CAMK1D: variants seen among roughly 807,000 people sequenced by gnomAD.
CAMK1D encodes the protein calcium/calmodulin-dependent protein kinase type 1D.
CAMK1D carries 9 observed loss-of-function variants against 47.7 expected under a neutral mutation model. The observed-to-expected ratio is 0.19, with a 90% CI of 0.11 to 0.33. The LOEUF (loss-of-function observed/expected upper bound fraction) is 0.33. Ranked by LOEUF, CAMK1D falls within the 10% of genes least tolerant of loss-of-function variation. CAMK1D has a pLI of 1.00. For missense variants in CAMK1D, 291 were observed against 488.7 expected (o/e 0.60, Z 3.81); for synonymous variants, 184 against 184.9 (o/e 0.99, Z 0.04).
intron 3 of CAMK1D, among the ~76,000 whole-genome samples, chr10:12,678,784 A>AT (rs1008030476): frequency 1.2e-4 from 18 of 150,024 alleles, no homozygotes; most frequent in Admixed American, 3.3e-4. Context: ...TAATCCAATA[A>AT]TTTTTTTTTT....
At chr10:12,470,266 T>G (rs1833705968) in intron 1 of CAMK1D, among the ~76,000 whole-genome samples, 1 of 152,196 alleles carries the variant, frequency 6.6e-6, no homozygotes, top group African/African-American at 2.4e-5. Flanking sequence ...GCCATTCCTT[T>G]GTATGATATA....
At chr10:12,483,118 G>C (rs1220197129) in intron 1 of CAMK1D, among the ~76,000 whole-genome samples, 1 of 152,050 alleles carries the variant, frequency 6.6e-6, no homozygotes, top group African/African-American at 2.4e-5. Context: ...GGTGGACCTG[G>C]GTGTAGCCCC....
intron 1 of CAMK1D, among the ~76,000 whole-genome samples, chr10:12,397,895 G>C (rs1839020526): frequency 6.6e-6 from 1 of 152,160 alleles, no homozygotes; most frequent in Admixed American, 6.5e-5. Flanking sequence ...GGCCTAGGCT[G>C]GAACTGAGGG....
chr10:12,503,970 G>C (rs543084174), intron 1 of CAMK1D, among the ~76,000 whole-genome samples: 2 of 152,266 alleles, frequency 1.3e-5, no homozygotes, highest in South Asian at 4.1e-4. Flanking sequence ...GTGGAAAACA[G>C]TTCCACAGGG....
chr10:12,694,445 A>G (rs1833155109), intron 3 of CAMK1D, among the ~76,000 whole-genome samples: 1 of 84,586 alleles, frequency 1.2e-5, no homozygotes, highest in Non-Finnish European at 2.2e-5. Context: ...TATATAAAAT[A>G]TGAAATATAT....
intron 2 of CAMK1D, among the ~76,000 whole-genome samples, chr10:12,595,342 G>GAGAAAAA (rs1554794319): frequency 1.3e-4 from 3 of 23,554 alleles, no homozygotes; most frequent in African/African-American, 5.4e-4. Context: ...AACTCCATCT[G>GAGAAAAA]AAAAAAAAAA....
intron 3 of CAMK1D, among the ~76,000 whole-genome samples, chr10:12,754,869 G>C (rs554805024): frequency 6.6e-6 from 1 of 152,112 alleles, no homozygotes; most frequent in Non-Finnish European, 1.5e-5. Flanking sequence ...CCTCTTTAAA[G>C]GCCCTATCTC....
chr10:12,734,576 A>G (rs998901161), intron 3 of CAMK1D, among the ~76,000 whole-genome samples: 1 of 148,950 alleles, frequency 6.7e-6, no homozygotes, highest in Non-Finnish European at 1.5e-5. Flanking sequence ...ATGTGTATAT[A>G]TATATATAGA....
At chr10:12,764,209 C>T (rs898227990) in intron 4 of CAMK1D, among the ~76,000 whole-genome samples, 1 of 151,920 alleles carries the variant, frequency 6.6e-6, no homozygotes, top group African/African-American at 2.4e-5. Flanking sequence ...GGTGAAACCC[C>T]ATCTCTACTA....
intron 3 of CAMK1D, among the ~76,000 whole-genome samples, chr10:12,740,010 C>A (rs75153700): frequency 0.055 from 8,317 of 152,212 alleles, 502 homozygotes; most frequent in African/African-American, 0.14. Context: ...ATATTTCCTA[C>A]CTTGTAAAAA....
At chr10:12,474,553 A>G (rs1011185588) in intron 1 of CAMK1D, among the ~76,000 whole-genome samples, 1 of 151,372 alleles carries the variant, frequency 6.6e-6, no homozygotes, top group African/African-American at 2.4e-5. Flanking sequence ...CATAAACTTT[A>G]CCATTTTTAA....
At chr10:12,474,530 A>G (rs1267360181) in intron 1 of CAMK1D, among the ~76,000 whole-genome samples, 1 of 151,984 alleles carries the variant, frequency 6.6e-6, no homozygotes, top group East Asian at 1.9e-4. Flanking sequence ...TATTGTGTTA[A>G]AACATTGCAT....
At chr10:12,682,544 A>G (rs1383718136) in intron 3 of CAMK1D, among the ~76,000 whole-genome samples, 1 of 152,226 alleles carries the variant, frequency 6.6e-6, no homozygotes, top group African/African-American at 2.4e-5. Context: ...TCATTTAGCA[A>G]GATTTGCTGT....
At chr10:12,583,629 GTCTC>G (rs577516820) in intron 2 of CAMK1D, among the ~76,000 whole-genome samples, 1,716 of 148,556 alleles carry the variant, frequency 0.012, 28 homozygotes, top group Admixed American at 0.047. Flanking sequence ...TTGAGATGGA[GTCTC>G]TCTCTGTCAC....
At chr10:12,660,223 C>T (rs1465679485) in intron 2 of CAMK1D, among the ~76,000 whole-genome samples, 1 of 152,196 alleles carries the variant, frequency 6.6e-6, no homozygotes, top group Non-Finnish European at 1.5e-5. Flanking sequence ...GTGAGAAATG[C>T]TGAACTTTTT....
At chr10:12,516,317 C>T (rs1405146529) in intron 1 of CAMK1D, among the ~76,000 whole-genome samples, 1 of 152,128 alleles carries the variant, frequency 6.6e-6, no homozygotes, top group Non-Finnish European at 1.5e-5. Context: ...CCATCCTGGC[C>T]AGGCTGGTCT....
chr10:12,740,641 G>A (rs1031170997), intron 3 of CAMK1D, among the ~76,000 whole-genome samples: 6 of 152,166 alleles, frequency 3.9e-5, no homozygotes, highest in African/African-American at 1.4e-4. Flanking sequence ...GAGCTGGAAA[G>A]GCAGGTAGGA....
chr10:12,780,935 C>T (rs1428355003), intron 5 of CAMK1D, among the ~76,000 whole-genome samples: 1 of 152,126 alleles, frequency 6.6e-6, no homozygotes, highest in Non-Finnish European at 1.5e-5. Context: ...AGGACAGGGC[C>T]CCCTAAGTGG....
At chr10:12,545,848 A>G (rs1836351836) in intron 1 of CAMK1D, among the ~76,000 whole-genome samples, 1 of 151,792 alleles carries the variant, frequency 6.6e-6, no homozygotes, top group African/African-American at 2.4e-5. Flanking sequence ...AGAAAGAAAA[A>G]GGAATGAATG....
Sources: gnomAD v4.1 joint callset for allele counts (sites outside exome capture counted in the v4.1 genomes callset) on GRCh38, gnomAD v4.1.1 for gene constraint, MANE v1.5 for transcripts, NCBI Gene and HGNC (gene_info 2026-07-23, HGNC 2026-07-21) for gene names.